The following C13orf42 variants were observed in gnomAD, a reference collection of about 807,000 sequenced individuals.
The protein encoded by C13orf42 is chromosome 13 open reading frame 42.
chr13:51,138,192 G>A (rs1462296354), intron 1 of C13orf42, among the ~76,000 whole-genome samples: 1 of 152,184 alleles, frequency 6.6e-6, no homozygotes, highest in African/African-American at 2.4e-5. Flanking sequence ...AAAATGGAAA[G>A]ATGCCTACTA....
At chr13:51,145,965 T>C (rs1454287009) in intron 1 of C13orf42, among the ~76,000 whole-genome samples, 1 of 152,102 alleles carries the variant, frequency 6.6e-6, no homozygotes, top group Admixed American at 6.5e-5. Context: ...CTTGGCAAAA[T>C]AAACTTTCTA....
At chr13:51,169,671 T>A (rs1253942621) in intron 1 of C13orf42, among the ~76,000 whole-genome samples, 1 of 152,206 alleles carries the variant, frequency 6.6e-6, no homozygotes, top group Non-Finnish European at 1.5e-5. Context: ...CTGCCCCAGC[T>A]CCAGCCATGG....
chr13:51,145,326 A>AT (rs60447395), intron 1 of C13orf42, among the ~76,000 whole-genome samples: 18,954 of 151,484 alleles, frequency 0.13, 1,303 homozygotes, highest in African/African-American at 0.16. Context: ...GTCTATATCG[A>AT]TTTTTTTTTC....
intron 1 of C13orf42, among the ~76,000 whole-genome samples, chr13:51,154,749 T>C (rs1198709363): frequency 6.6e-6 from 1 of 152,236 alleles, no homozygotes; most frequent in African/African-American, 2.4e-5. Context: ...CCAGACCTCG[T>C]TGAAGACACT....
At chr13:51,168,427 A>G (rs935832808) in intron 1 of C13orf42, among the ~76,000 whole-genome samples, 3 of 152,220 alleles carry the variant, frequency 2.0e-5, no homozygotes, top group African/African-American at 7.2e-5. Flanking sequence ...CTCCTTTGCA[A>G]CATGGCGTTG....
At chr13:51,098,821 A>G (rs1953260163) in intron 1 of C13orf42, among the ~76,000 whole-genome samples, 1 of 152,198 alleles carries the variant, frequency 6.6e-6, no homozygotes, top group South Asian at 2.1e-4. Context: ...ATGAACATCG[A>G]GCATCTATTT....
chr13:51,170,707 C>A (rs1953942137), intron 1 of C13orf42, among the ~76,000 whole-genome samples: 1 of 152,170 alleles, frequency 6.6e-6, no homozygotes, highest in Non-Finnish European at 1.5e-5. Flanking sequence ...TCTGATTATA[C>A]ACTCACGTTT....
chr13:51,143,314 A>C (rs1953710031), intron 1 of C13orf42, among the ~76,000 whole-genome samples: 1 of 152,202 alleles, frequency 6.6e-6, no homozygotes, highest in African/African-American at 2.4e-5. Flanking sequence ...TAAGATTGTA[A>C]GGGCCCATTT....
intron 1 of C13orf42, among the ~76,000 whole-genome samples, chr13:51,169,230 T>G (rs1175724721): frequency 6.6e-6 from 1 of 152,176 alleles, no homozygotes; most frequent in Non-Finnish European, 1.5e-5. Flanking sequence ...CTTGTTAAAT[T>G]GTTGTGCCCA....
At chr13:51,089,191 T>C (rs1018094201) in intron 1 of C13orf42, among the ~76,000 whole-genome samples, 1 of 152,244 alleles carries the variant, frequency 6.6e-6, no homozygotes, top group Non-Finnish European at 1.5e-5. Flanking sequence ...AGCATCTCTA[T>C]GTGTACAAGA....
At chr13:51,140,330 C>T (rs1953686772) in intron 1 of C13orf42, among the ~76,000 whole-genome samples, 1 of 152,176 alleles carries the variant, frequency 6.6e-6, no homozygotes, top group African/African-American at 2.4e-5. Context: ...CAAGCTGTGC[C>T]CTGACCACCT....
chr13:51,165,493 G>T lies in C13orf42; in HGVS notation n.136+6760C>A, dbSNP rs557823123. On this transcript the variant is annotated intron_variant and non_coding_transcript_variant, in intron 1 of 4. Transcript: ENST00000433280. ...ATATAAACCCAGGGACTAGGACCTG[G>T]GCAGTCAACTTAAGAGTTTGGGAAG... 1.4e-4 allele frequency among the ~76,000 whole-genome samples: 21 copies of T among 152,266 alleles called. No homozygotes were observed. In the East Asian group the frequency reaches 4.1e-3, roughly 29 times the overall value.
At chr13:51,112,775 A>T (rs762363011), upstream of C13orf42, among the ~76,000 whole-genome samples, 6 of 152,188 alleles carry the variant, frequency 3.9e-5, no homozygotes, top group Non-Finnish European at 7.3e-5. Flanking sequence ...TGTGGTCTCA[A>T]TCAGGCGAGT....
chr13:51,114,678 A>G (rs999516438), upstream of C13orf42, among the ~76,000 whole-genome samples: 3 of 151,658 alleles, frequency 2.0e-5, no homozygotes, highest in Non-Finnish European at 4.4e-5. Flanking sequence ...AGACAGACAG[A>G]CAGACAGACA....
At chr13:51,139,971 G>A (rs1953684275) in intron 1 of C13orf42, among the ~76,000 whole-genome samples, 1 of 152,160 alleles carries the variant, frequency 6.6e-6, no homozygotes, top group Non-Finnish European at 1.5e-5. Context: ...GGTCTGGATT[G>A]CGACCCTTTT....
chr13:51,153,621 G>GTTTTTTGTTTTTT (rs1953799413), intron 1 of C13orf42, among the ~76,000 whole-genome samples: 3 of 82,034 alleles, frequency 3.7e-5, no homozygotes, highest in Non-Finnish European at 2.6e-5. Flanking sequence ...CTTGCTTTCT[G>GTTTTTTGTTTTTT]TTTTTTTTCT....
At chr13:51,153,355 C>T (rs1398627084) in intron 1 of C13orf42, among the ~76,000 whole-genome samples, 2 of 151,980 alleles carry the variant, frequency 1.3e-5, no homozygotes, top group African/African-American at 2.4e-5. Flanking sequence ...AAGATGAGGT[C>T]CTGGGCACCT....
intron 1 of C13orf42, among the ~76,000 whole-genome samples, chr13:51,137,646 C>A (rs1413416429): frequency 6.6e-6 from 1 of 152,190 alleles, no homozygotes; most frequent in Non-Finnish European, 1.5e-5. Flanking sequence ...CTTTCCTCCC[C>A]TTTTTCCTTC....
At chr13:51,126,915 A>T (rs1023124163) in intron 1 of C13orf42, among the ~76,000 whole-genome samples, 1 of 152,244 alleles carries the variant, frequency 6.6e-6, no homozygotes, top group Non-Finnish European at 1.5e-5. Flanking sequence ...TTATAATCCC[A>T]GCACTCTGGG....
Sources: allele counts gnomAD v4.1 joint callset (sites outside exome capture counted in the v4.1 genomes callset), GRCh38; gene constraint gnomAD v4.1.1; transcripts MANE v1.5; gene names NCBI Gene and HGNC (gene_info 2026-07-23, HGNC 2026-07-21).